The following MDM1 variants were observed in gnomAD, a reference collection of about 807,000 sequenced individuals.
MDM1 encodes the protein Mdm1 nuclear protein.
In MDM1, 61 loss-of-function variants were observed where a neutral mutation model predicts 89.1. The ratio of observed to expected loss-of-function variants is 0.68; its 90% CI spans 0.56 to 0.85. The LOEUF is 0.85. Among genes scored for constraint, MDM1 ranks in the 40% least tolerant of loss-of-function variants. The pLI is 0.00. For synonymous variants in MDM1, 290 were observed against 294.1 expected, an observed-to-expected ratio of 0.99 and a Z score of 0.14; for missense variants, 820 against 846.5, an observed-to-expected ratio of 0.97 and a Z score of 0.39.
rs1348404290 is a variant in MDM1, at chr12:68,295,185, T to A, written c.*69A>T. The A allele has an allele frequency of 2.0e-6, 2 of 1,002,176 alleles. No individual in the cohort carries two copies. Among genetic ancestry groups the A allele is most frequent in the Non-Finnish European group, 3.0e-6 (2 of 664,634 alleles). The allele number at this position is 1,002,176 out of a possible 1,614,324, so 62.1% of individuals were successfully genotyped here. Reference sequence around the variant, plus strand: ...GTTAGGAAAAACTTCACTCAAAAAATTTTAACACAGTAAGCAATAAAGAAA... The same window carrying A: ...GTTAGGAAAAACTTCACTCAAAAAAATTTAACACAGTAAGCAATAAAGAAA... On this transcript the variant is annotated 3_prime_UTR_variant, in exon 15 of 15. Transcript: ENST00000682720.
chr12:68,326,392 T>C (rs1231859379), intron 3 of MDM1: 1 of 1,443,392 alleles, frequency 6.9e-7, no homozygotes, highest in Admixed American at 2.9e-5. Flanking sequence ...CAGGTGCTAA[T>C]ATATGATGAA....
At chr12:68,331,816 T>TC (rs1435227984) in intron 1 of MDM1, among the ~76,000 whole-genome samples, 1 of 152,224 alleles carries the variant, frequency 6.6e-6, no homozygotes, top group African/African-American at 2.4e-5. Flanking sequence ...CTGTCTTTAC[T>TC]AAGAACCCAT....
chr12:68,312,719 C>T (rs761685865), intron 12 of MDM1, among the ~76,000 whole-genome samples: 9 of 152,210 alleles, frequency 5.9e-5, no homozygotes, highest in Non-Finnish European at 1.2e-4. Flanking sequence ...CAAAGCCCTA[C>T]ACAATTTAGC....
intron 2 of MDM1, among the ~76,000 whole-genome samples, chr12:68,328,356 A>AT (rs1040831591): frequency 1.3e-5 from 2 of 152,242 alleles, no homozygotes; most frequent in African/African-American, 4.8e-5. Flanking sequence ...TTAATTAAAG[A>AT]TAAACAGACT....
chr12:68,303,011 G>A (rs1872430074), intron 12 of MDM1, 139 bp from the exon 13 acceptor site: 3 of 761,584 alleles, frequency 3.9e-6, no homozygotes, highest in South Asian at 4.8e-5. Flanking sequence ...ATCTATGTGG[G>A]GAAGATATGA....
At chr12:68,326,299 T>G (rs937264028) in intron 3 of MDM1, 2 of 1,292,030 alleles carry the variant, frequency 1.5e-6, no homozygotes, top group African/African-American at 3.0e-5. Context: ...GAAAAGGGGC[T>G]AGGTAGAAGT....
intron 12 of MDM1, among the ~76,000 whole-genome samples, chr12:68,305,066 T>A (rs1024303301): frequency 1.3e-5 from 2 of 152,202 alleles, no homozygotes; most frequent in African/African-American, 4.8e-5. Context: ...GATTTTGGTA[T>A]CAGGATGATA....
chr12:68,326,490 T>G, intron 3 of MDM1, 167 bp downstream of exon 3: 1 of 1,523,100 alleles, frequency 6.6e-7, no homozygotes, highest in Non-Finnish European at 8.8e-7. Context: ...ATAGAACTAA[T>G]TCACAATAAC....
Position 68,321,628 on chromosome 12 carries a change from T to A in MDM1, c.802A>T (p.Ser268Cys), listed in dbSNP as rs1875247038. The A allele has an allele frequency of 6.3e-7, 1 of 1,596,170 alleles. No homozygotes were observed. Among genetic ancestry groups the A allele is most frequent in the Non-Finnish European group, 8.6e-7 (1 of 1,167,712 alleles). Reference protein sequence around the residue: ...NLETVSPERKSNKIDDRLKLE... With the variant: ...NLETVSPERKCNKIDDRLKLE... The stretch of plus-strand genomic sequence containing the variant: ...TTTAAACGATCGTCTATTTTATTAC[T>A]CTGAAATGGAAATCATTTAAGCTTT... Residue 268 changes from serine (S) to cysteine (C), a missense_variant and splice_region_variant, in exon 6 of 15, where the codon AGT becomes TGT. By Grantham distance (112) the Ser-to-Cys change is moderately radical (BLOSUM62 -1). Coordinates refer to ENST00000682720, the MANE Select transcript of MDM1 (RefSeq NM_001354969.2).
At chr12:68,301,508 G>A (rs528911913) in intron 13 of MDM1, among the ~76,000 whole-genome samples, 1 of 152,046 alleles carries the variant, frequency 6.6e-6, no homozygotes, top group Non-Finnish European at 1.5e-5. Context: ...TACACTGCTT[G>A]GGTAACAGGT....
chr12:68,294,604 T>C lies in MDM1; in HGVS notation c.*650A>G, dbSNP rs1871141132. ...TTTTTATTTCAAAATGTCTACAAAG[T>C]TTTAATTCTCCATTATACAGGTAAT... On this transcript the variant is annotated 3_prime_UTR_variant, in exon 15 of 15. Coordinates refer to ENST00000682720, the MANE Select transcript of MDM1 (RefSeq NM_001354969.2). 6.6e-6 allele frequency: 1 copy of C among 152,222 alleles called. No individual in the cohort carries two copies. The highest frequency in any genetic ancestry group is 2.1e-4 in the South Asian group (1 of 4,828). The allele number at this position is 152,222 out of a possible 1,614,324, so 9.4% of individuals were successfully genotyped here. A position where few individuals can be genotyped will look rare whatever the true frequency, so the allele number is the denominator to read the frequency against.
intron 13 of MDM1, among the ~76,000 whole-genome samples, chr12:68,298,351 G>A (rs1297458933): frequency 6.6e-6 from 1 of 152,178 alleles, no homozygotes; most frequent in East Asian, 1.9e-4. Context: ...CTTTCCACTG[G>A]TGGGAAGTTT....
intron 4 of MDM1, chr12:68,325,023 G>A (rs1476549133): frequency 4.1e-6 from 4 of 979,808 alleles, no homozygotes; most frequent in Non-Finnish European, 4.8e-6. Context: ...AACATATTTT[G>A]TATTTATTAA....
intron 7 of MDM1, 149 bp downstream of exon 7, chr12:68,321,198 A>T: frequency 2.1e-6 from 1 of 472,128 alleles, no homozygotes; most frequent in Non-Finnish European, 3.7e-6. Flanking sequence ...TTACATTCTA[A>T]TACATAAGTT....
intron 14 of MDM1, among the ~76,000 whole-genome samples, chr12:68,296,219 G>A (rs897657710): frequency 2.6e-5 from 4 of 152,178 alleles, no homozygotes; most frequent in Non-Finnish European, 5.9e-5. Context: ...ACTACAAAAG[G>A]CTGGGCATGG....
In MDM1 at chr12:68,322,355, G is replaced by A. The variant is rs139618258; in HGVS notation, c.801+718C>T. Reference sequence around the variant, plus strand: ...TTGGTTTAAAATACATGTGATGGCCGGGTGTGGTGGCTCACACCTGTAATC... The same window carrying A: ...TTGGTTTAAAATACATGTGATGGCCAGGTGTGGTGGCTCACACCTGTAATC... On this transcript the variant is annotated intron_variant, in intron 5 of 14. Coordinates refer to ENST00000682720, the MANE Select transcript of MDM1 (RefSeq NM_001354969.2). 2.4e-4 allele frequency among the ~76,000 whole-genome samples: 36 copies of A among 152,310 alleles called. No homozygotes were observed. In the East Asian group the frequency reaches 2.5e-3, roughly 11 times the overall value.
At chr12:68,306,639 T>C (rs762760529) in intron 12 of MDM1, among the ~76,000 whole-genome samples, 5 of 152,198 alleles carry the variant, frequency 3.3e-5, no homozygotes, top group Non-Finnish European at 5.9e-5. Context: ...ATGCTCAACA[T>C]TGCTAATCAC....
Position 68,302,756 on chromosome 12 carries a change from A to AACT in MDM1, c.1865_1866insAGT (p.Thr622_Leu623insVal), listed in dbSNP as rs1872352999. 1 of 1,613,932 alleles carries AACT rather than the reference A, an allele frequency of 6.2e-7. No individual in the cohort carries two copies. The highest frequency in any genetic ancestry group is 8.5e-7 in the Non-Finnish European group (1 of 1,180,016). On this transcript the variant is annotated inframe_insertion, in exon 13 of 15. Coordinates refer to ENST00000682720, the MANE Select transcript of MDM1 (RefSeq NM_001354969.2). ...ATTTTGGAATTTTTGAAACTGGAAG[A>AACT]GTTGCCTCAGCAAATTTGTGGATAT...
At chr12:68,328,101 G>GCGTC (rs1028215793) in intron 2 of MDM1, among the ~76,000 whole-genome samples, 1 of 152,162 alleles carries the variant, frequency 6.6e-6, no homozygotes, top group African/African-American at 2.4e-5. Context: ...TTACTCCAGT[G>GCGTC]CGTCCGCCCA....
Sources: gnomAD v4.1 joint callset for allele counts (sites outside exome capture counted in the v4.1 genomes callset) on GRCh38, gnomAD v4.1.1 for gene constraint, MANE v1.5 for transcripts, NCBI Gene and HGNC (gene_info 2026-07-23, HGNC 2026-07-21) for gene names.